Variants in RNF152 observed in about 807,000 individuals in gnomAD.
The protein encoded by RNF152 is ring finger protein 152.
A neutral mutation model predicts 12.7 loss-of-function variants in RNF152; 11 were observed. The ratio of observed to expected loss-of-function variants is 0.86; its 90% CI spans 0.54 to 1.43. The LOEUF is 1.43. Among genes scored for constraint, RNF152 ranks in the 40% most tolerant of loss-of-function variants. The pLI is 0.00. For missense variants in RNF152, 255 were observed against 274.8 expected, an observed-to-expected ratio of 0.93 and a Z score of 0.51; for synonymous variants, 113 against 120.3, an observed-to-expected ratio of 0.94 and a Z score of 0.40.
intron 1 of RNF152, among the ~76,000 whole-genome samples, chr18:61,824,676 T>A (rs949778012): frequency 6.6e-6 from 1 of 152,200 alleles, no homozygotes; most frequent in African/African-American, 2.4e-5. Flanking sequence ...AAGAAAGATA[T>A]TCCTATTACC....
At chr18:61,880,236 C>T (rs1337910092) in intron 1 of RNF152, among the ~76,000 whole-genome samples, 3 of 152,174 alleles carry the variant, frequency 2.0e-5, no homozygotes, top group Non-Finnish European at 4.4e-5. Context: ...TCTAAGTCAA[C>T]ATCAAACACA....
At chr18:61,861,190 C>A (rs1911460721) in intron 1 of RNF152, among the ~76,000 whole-genome samples, 1 of 151,450 alleles carries the variant, frequency 6.6e-6, no homozygotes, top group South Asian at 2.1e-4. Flanking sequence ...CCTAGGCCAT[C>A]ACATCCACTC....
At chr18:61,845,326 C>G (rs1714325811) in intron 1 of RNF152, among the ~76,000 whole-genome samples, 1 of 152,190 alleles carries the variant, frequency 6.6e-6, no homozygotes, top group Non-Finnish European at 1.5e-5. Flanking sequence ...CTAGGGATCT[C>G]AAATAAAACC....
intron 1 of RNF152, among the ~76,000 whole-genome samples, chr18:61,822,353 C>A (rs1259948308): frequency 6.6e-6 from 1 of 152,074 alleles, no homozygotes; most frequent in African/African-American, 2.4e-5. Flanking sequence ...GTTGTTGTTG[C>A]TGTTGTTATT....
chr18:61,870,678 C>T (rs764437518), intron 1 of RNF152, among the ~76,000 whole-genome samples: 11 of 152,080 alleles, frequency 7.2e-5, no homozygotes, highest in Non-Finnish European at 1.3e-4. Context: ...GAAAAAGGAT[C>T]GAGGTCCTAT....
rs534556704 is a variant in RNF152, at chr18:61,813,929, T to C, written c.*1923A>G. The stretch of plus-strand genomic sequence containing the variant: ...GTAATAGAGGATAGTATTCAGCTAA[T>C]ATGACACCTAAATTATTAATACCAA... On this transcript the variant is annotated 3_prime_UTR_variant, in exon 2 of 2. Coordinates refer to ENST00000312828, the MANE Select transcript of RNF152 (RefSeq NM_173557.3). 1 of 152,326 alleles carries C rather than the reference T, an allele frequency of 6.6e-6. No individual in the cohort carries two copies. Among genetic ancestry groups the C allele is most frequent in the East Asian group, 1.9e-4 (1 of 5,196 alleles). 9.4% of individuals were successfully genotyped at this position (152,326 alleles called of 1,614,324 possible). A position where few individuals can be genotyped will look rare whatever the true frequency, so the allele number is the denominator to read the frequency against.
At chr18:61,877,002 CAGGTA>C (rs2144748717) in intron 1 of RNF152, among the ~76,000 whole-genome samples, 1 of 152,272 alleles carries the variant, frequency 6.6e-6, no homozygotes, top group Non-Finnish European at 1.5e-5. Flanking sequence ...TTTTGACTGA[CAGGTA>C]TGGTGAAACT....
intron 1 of RNF152, among the ~76,000 whole-genome samples, chr18:61,845,001 G>A (rs954246342): frequency 5.3e-5 from 8 of 152,202 alleles, no homozygotes; most frequent in African/African-American, 1.9e-4. Flanking sequence ...GGACACGAGT[G>A]CTGAAAACAT....
In RNF152 at chr18:61,841,651, T is replaced by C. The variant is rs979282395; in HGVS notation, c.-135-25053A>G. Among the ~76,000 whole-genome samples, 3 of 152,196 alleles carry C rather than the reference T, an allele frequency of 2.0e-5. No individual in the cohort carries two copies. In the South Asian group the frequency reaches 6.2e-4, roughly 31 times the overall value. ...CCCTCTACCTCTGAGTGGGTAGAGATGCAGAAAAATACACATTTGTACAAA... is the reference window on the plus strand; with the variant it reads ...CCCTCTACCTCTGAGTGGGTAGAGACGCAGAAAAATACACATTTGTACAAA... On this transcript the variant is annotated intron_variant, in intron 1 of 1. Transcript: ENST00000312828.
At chr18:61,841,004 A>G (rs565003292) in intron 1 of RNF152, among the ~76,000 whole-genome samples, 4 of 152,266 alleles carry the variant, frequency 2.6e-5, no homozygotes, top group African/African-American at 9.6e-5. Context: ...CCACATATAA[A>G]TTATCTGGTT....
chr18:61,817,419 C>T (rs768099717), intron 1 of RNF152, among the ~76,000 whole-genome samples: 1 of 152,192 alleles, frequency 6.6e-6, no homozygotes, highest in African/African-American at 2.4e-5. Context: ...GTTTGAACCA[C>T]ATGGATCCAC....
At chr18:61,870,518 T>C (rs1911943673) in intron 1 of RNF152, among the ~76,000 whole-genome samples, 1 of 152,190 alleles carries the variant, frequency 6.6e-6, no homozygotes, top group Admixed American at 6.5e-5. Flanking sequence ...CCCTGCCGAC[T>C]CTGTGGTTCC....
chr18:61,869,201 C>T (rs562266627), intron 1 of RNF152, among the ~76,000 whole-genome samples: 2 of 152,256 alleles, frequency 1.3e-5, no homozygotes, highest in South Asian at 4.2e-4. Flanking sequence ...TTAGTAAAAT[C>T]CAAAGAAATA....
chr18:61,857,138 T>A (rs890530386), intron 1 of RNF152, among the ~76,000 whole-genome samples: 6 of 152,158 alleles, frequency 3.9e-5, no homozygotes, highest in Non-Finnish European at 8.8e-5. Context: ...TGCTGATAAT[T>A]CCTACCCTGA....
At chr18:61,834,779 A>G (rs77407256) in intron 1 of RNF152, among the ~76,000 whole-genome samples, 12,595 of 152,278 alleles carry the variant, frequency 0.083, 583 homozygotes, top group African/African-American at 0.13. Context: ...TGCTTTTATG[A>G]TATCTCCTCG....
chr18:61,827,364 T>C (rs1323129741), intron 1 of RNF152, among the ~76,000 whole-genome samples: 1 of 152,052 alleles, frequency 6.6e-6, no homozygotes, highest in Non-Finnish European at 1.5e-5. Context: ...TTCAGACGAG[T>C]AGAACTTCAT....
rs1432092970 is a variant in RNF152, at chr18:61,810,673, G to C, written c.*5179C>G. The C allele has an allele frequency of 2.0e-5, 3 of 151,540 alleles. No homozygotes were observed. The highest frequency in any genetic ancestry group is 7.3e-5 in the African/African-American group (3 of 41,360). 9.4% of individuals were successfully genotyped at this position (151,540 alleles called of 1,614,324 possible). ...CATAAATAAATAAATAAATAAATAA[G>C]TGTCTCATGTTGAACAAAATCCAGC... is the stretch of plus-strand genomic sequence containing the variant. On this transcript the variant is annotated 3_prime_UTR_variant, in exon 2 of 2. Transcript: ENST00000312828.
intron 1 of RNF152, among the ~76,000 whole-genome samples, chr18:61,830,034 T>C (rs1234042047): frequency 6.6e-6 from 1 of 151,706 alleles, no homozygotes. Context: ...TCTTTTTTTT[T>C]TTTTTGAGAC....
chr18:61,858,740 C>T (rs1375655602), intron 1 of RNF152, among the ~76,000 whole-genome samples: 1 of 152,182 alleles, frequency 6.6e-6, no homozygotes, highest in African/African-American at 2.4e-5. Context: ...TCCCCATCAT[C>T]ACCCCTGGCT....
Sources: allele counts gnomAD v4.1 joint callset (sites outside exome capture counted in the v4.1 genomes callset), GRCh38; gene constraint gnomAD v4.1.1; transcripts MANE v1.5; gene names NCBI Gene and HGNC (gene_info 2026-07-23, HGNC 2026-07-21).